KCNIP4: variants seen among roughly 807,000 people sequenced by gnomAD.
KCNIP4 encodes the protein Kv channel-interacting protein 4.
Under a neutral mutation model 34.0 loss-of-function variants are expected in KCNIP4, and 12 were observed. The observed-to-expected ratio is 0.35, with a 90% confidence interval of 0.23 to 0.57. KCNIP4 has a LOEUF of 0.57. Ranked by LOEUF, KCNIP4 falls within the 20% of genes least tolerant of loss-of-function variation. The pLI is 0.83. For synonymous variants in KCNIP4, 124 were observed against 102.2 expected (o/e 1.21, Z -1.29); for missense variants, 238 against 311.7 (o/e 0.76, Z 1.78).
chr4:20,998,567 A>C (rs1333509339), intron 1 of KCNIP4, among the ~76,000 whole-genome samples: 2 of 152,248 alleles, frequency 1.3e-5, no homozygotes, highest in African/African-American at 4.8e-5. Flanking sequence ...AATAGATAAG[A>C]GAAAGTAGAT....
chr4:21,775,455 G>A (rs1458520030), intron 1 of KCNIP4, among the ~76,000 whole-genome samples: 3 of 152,180 alleles, frequency 2.0e-5, no homozygotes, highest in East Asian at 1.9e-4. Context: ...GGCACAAGGA[G>A]CAGGACCCAC....
rs570729441 is a variant in KCNIP4 at position 21,918,516 on chromosome 4, C to T, written c.61+30055G>A. ...GAGAGTCAGGTGGTCCAGGCTAGGA[C>T]TGTGACACCCCCCTCCACTGACAGT... is the stretch of plus-strand genomic sequence containing the variant. On this transcript the variant is annotated intron_variant, in intron 1 of 8. Transcript: ENST00000382152. Among the ~76,000 whole-genome samples, 65 of 152,066 alleles carry T rather than the reference C, an allele frequency of 4.3e-4. 1 individual carries two copies. The highest frequency in any genetic ancestry group is 1.5e-3 in the African/African-American group (62 of 41,492).
At chr4:20,737,843 A>G (rs1334172690) in intron 5 of KCNIP4, among the ~76,000 whole-genome samples, 1 of 152,236 alleles carries the variant, frequency 6.6e-6, no homozygotes, top group Non-Finnish European at 1.5e-5. Context: ...ATCTTGCACA[A>G]CCAGCAGGCT....
At chr4:21,087,240 G>T (rs1348415136) in intron 1 of KCNIP4, among the ~76,000 whole-genome samples, 1 of 149,528 alleles carries the variant, frequency 6.7e-6, no homozygotes, top group Non-Finnish European at 1.5e-5. Context: ...TCAGTGGCAT[G>T]ATCTCAGCTC....
At chr4:21,098,856 CAT>C (rs1160758095) in intron 1 of KCNIP4, among the ~76,000 whole-genome samples, 6 of 152,064 alleles carry the variant, frequency 3.9e-5, no homozygotes, top group East Asian at 1.9e-4. Flanking sequence ...GGCCAACAAA[CAT>C]ATGAAAAAAA....
intron 1 of KCNIP4, among the ~76,000 whole-genome samples, chr4:21,514,853 A>C (rs1239628617): frequency 6.6e-6 from 1 of 152,174 alleles, no homozygotes; most frequent in Non-Finnish European, 1.5e-5. Flanking sequence ...TCTAAGCCTG[A>C]TGTATTCATC....
intron 1 of KCNIP4, among the ~76,000 whole-genome samples, chr4:21,622,686 T>A (rs1441751450): frequency 6.6e-6 from 1 of 152,290 alleles, no homozygotes; most frequent in East Asian, 1.9e-4. Flanking sequence ...TAATTCTCCA[T>A]ATTTATAATT....
At chr4:21,218,498 A>G (rs1231026419) in intron 1 of KCNIP4, among the ~76,000 whole-genome samples, 1 of 152,170 alleles carries the variant, frequency 6.6e-6, no homozygotes, top group Non-Finnish European at 1.5e-5. Context: ...GAGGGCATTC[A>G]ATGCATACAT....
intron 1 of KCNIP4, among the ~76,000 whole-genome samples, chr4:21,215,521 T>C (rs1389932427): frequency 1.3e-5 from 2 of 152,198 alleles, no homozygotes; most frequent in African/African-American, 2.4e-5. Context: ...CTTCCATATG[T>C]GATGAGGTTG....
At position 21,215,639 on chromosome 4, in the gene KCNIP4, G is replaced by A. The variant is rs183960975; in HGVS notation, c.62-332930C>T. On this transcript the variant is annotated intron_variant, in intron 1 of 8. Transcript: ENST00000382152. ...GTTGTTAAGCAACAGATCAAGGACT[G>A]TTGCCTGGCACATCTTACAGGATAG... Among the ~76,000 whole-genome samples the A allele has an allele frequency of 1.2e-4, 18 of 152,212 alleles. 1 individual carries two copies. In the East Asian group the frequency reaches 3.3e-3, roughly 28 times the overall value.
At chr4:21,713,345 T>C (rs777030940) in intron 1 of KCNIP4, among the ~76,000 whole-genome samples, 3 of 152,202 alleles carry the variant, frequency 2.0e-5, no homozygotes, top group African/African-American at 7.2e-5. Flanking sequence ...CTAAAGTTTC[T>C]GCAAGGACCA....
chr4:20,790,898 A>G (rs770815347), intron 3 of KCNIP4, among the ~76,000 whole-genome samples: 2 of 151,852 alleles, frequency 1.3e-5, no homozygotes, highest in Admixed American at 1.3e-4. Flanking sequence ...AAAGGAAGAA[A>G]AGAGAGAGAG....
At chr4:21,225,084 CA>C (rs1758281114) in intron 1 of KCNIP4, among the ~76,000 whole-genome samples, 1 of 152,136 alleles carries the variant, frequency 6.6e-6, no homozygotes, top group Non-Finnish European at 1.5e-5. Context: ...ATCTGGTAAG[CA>C]AAGTGCATTA....
intron 1 of KCNIP4, among the ~76,000 whole-genome samples, chr4:20,908,364 G>T (rs960634081): frequency 1.3e-5 from 2 of 151,980 alleles, no homozygotes; most frequent in South Asian, 2.1e-4. Flanking sequence ...TCCCAAAGTG[G>T]GATTACAGGC....
At chr4:21,396,480 C>T (rs936189089) in intron 1 of KCNIP4, among the ~76,000 whole-genome samples, 4 of 127,802 alleles carry the variant, frequency 3.1e-5, no homozygotes, top group Non-Finnish European at 6.3e-5. Flanking sequence ...TGCCTGAACC[C>T]GGGAGGCGGA....
intron 1 of KCNIP4, among the ~76,000 whole-genome samples, chr4:21,683,778 T>A (rs1177935069): frequency 6.6e-6 from 1 of 152,124 alleles, no homozygotes; most frequent in African/African-American, 2.4e-5. Context: ...GAAGATCATG[T>A]CGTTTGTGGG....
chr4:21,213,583 T>C (rs978813551), intron 1 of KCNIP4, among the ~76,000 whole-genome samples: 1 of 152,090 alleles, frequency 6.6e-6, no homozygotes, highest in Non-Finnish European at 1.5e-5. Context: ...ATTACAGGCG[T>C]GAGCCACCAT....
intron 5 of KCNIP4, among the ~76,000 whole-genome samples, chr4:20,746,135 C>T (rs1316436565): frequency 6.6e-6 from 1 of 152,100 alleles, no homozygotes; most frequent in African/African-American, 2.4e-5. Context: ...CCCAAATGTC[C>T]ATCAATAATA....
intron 1 of KCNIP4, among the ~76,000 whole-genome samples, chr4:21,493,176 T>G (rs10003394): frequency 0.058 from 8,734 of 151,036 alleles, 638 homozygotes; most frequent in African/African-American, 0.16. Flanking sequence ...CTCTGACATG[T>G]GTTGTACATT....
Sources: gnomAD v4.1 joint callset for allele counts (sites outside exome capture counted in the v4.1 genomes callset) on GRCh38, gnomAD v4.1.1 for gene constraint, MANE v1.5 for transcripts, NCBI Gene and HGNC (gene_info 2026-07-23, HGNC 2026-07-21) for gene names.